Variants in SORCS1 observed in about 807,000 individuals in gnomAD.
SORCS1 encodes sortilin related VPS10 domain containing receptor 1.
Under a neutral mutation model 146.1 loss-of-function variants are expected in SORCS1, and 60 were observed. That is an observed-to-expected ratio of 0.41 (90% CI 0.33 to 0.51). SORCS1 has a LOEUF of 0.51. SORCS1 is among the 20% of genes least tolerant of loss of function. The pLI, the probability that SORCS1 is intolerant of heterozygous loss-of-function variation, is 0.21. For synonymous variants in SORCS1, 637 were observed against 584.0 expected (o/e 1.09, Z -1.31); for missense variants, 1,352 against 1,487.6 (o/e 0.91, Z 1.50).
chr10:107,106,282 G>A (rs972975724), intron 1 of SORCS1, among the ~76,000 whole-genome samples: 5 of 152,160 alleles, frequency 3.3e-5, no homozygotes, highest in African/African-American at 1.2e-4. Context: ...TAGTAATCAT[G>A]CGATAAGTTA....
chr10:106,851,903 G>A (rs1334297028), intron 2 of SORCS1, among the ~76,000 whole-genome samples: 1 of 152,118 alleles, frequency 6.6e-6, no homozygotes, highest in East Asian at 1.9e-4. Context: ...TCCTCATACA[G>A]ATCTTGTGTG....
At chr10:106,921,813 A>C (rs1257179948) in intron 2 of SORCS1, among the ~76,000 whole-genome samples, 1 of 152,184 alleles carries the variant, frequency 6.6e-6, no homozygotes, top group East Asian at 1.9e-4. Flanking sequence ...CCTATCCTCC[A>C]ACTATTACAA....
At chr10:107,033,235 T>G (rs1375351322) in intron 1 of SORCS1, among the ~76,000 whole-genome samples, 2 of 152,098 alleles carry the variant, frequency 1.3e-5, no homozygotes, top group Non-Finnish European at 2.9e-5. Context: ...TCGTGAGAAC[T>G]CACTCACCAT....
chr10:106,888,039 A>G (rs1229321111), intron 2 of SORCS1, among the ~76,000 whole-genome samples: 1 of 152,218 alleles, frequency 6.6e-6, no homozygotes, highest in Non-Finnish European at 1.5e-5. Context: ...CTTGCCAACT[A>G]TAAATGGCGA....
intron 24 of SORCS1, among the ~76,000 whole-genome samples, chr10:106,586,913 C>T (rs1845274520): frequency 6.6e-6 from 1 of 152,142 alleles, no homozygotes; most frequent in Non-Finnish European, 1.5e-5. Context: ...CTATGATGTG[C>T]CCCTGCCCTC....
intron 1 of SORCS1, among the ~76,000 whole-genome samples, chr10:107,065,434 T>TCTTTC (rs1470312776): frequency 6.7e-6 from 1 of 148,832 alleles, no homozygotes; most frequent in East Asian, 2.0e-4. Flanking sequence ...TTTCTTTCTT[T>TCTTTC]CTTTCTTTCT....
At position 106,706,541 on chromosome 10, in the gene SORCS1, A is replaced by T. The variant is rs758810152; in HGVS notation, c.1233+4T>A. On this transcript the variant is annotated splice_donor_region_variant and intron_variant, in intron 8 of 25. Transcript: ENST00000263054. ...TGAAATGAAGAAAGTGATTTAGGCC[A>T]TACCTTGGGCAAAGCATATTTCGGA... The T allele has an allele frequency of 1.2e-5, 19 of 1,613,910 alleles. No homozygotes were observed. Among genetic ancestry groups the T allele is most frequent in the Non-Finnish European group, 1.5e-5 (18 of 1,179,884 alleles).
intron 3 of SORCS1, among the ~76,000 whole-genome samples, chr10:106,795,568 A>G (rs1207543281): frequency 2.6e-5 from 4 of 152,336 alleles, no homozygotes; most frequent in Middle Eastern, 6.8e-3. Context: ...AAAGAGGGGT[A>G]AGAAGCTCTG....
chr10:106,956,071 G>A (rs903428065), intron 2 of SORCS1, among the ~76,000 whole-genome samples: 1 of 151,684 alleles, frequency 6.6e-6, no homozygotes, highest in African/African-American at 2.4e-5. Flanking sequence ...CAGAGGTTGC[G>A]CTGAGCCGAG....
chr10:107,047,310 T>TA (rs1564969436), intron 1 of SORCS1, among the ~76,000 whole-genome samples: 2 of 152,146 alleles, frequency 1.3e-5, no homozygotes, highest in African/African-American at 4.8e-5. Flanking sequence ...TTATTTTAGA[T>TA]AAAGTCCAGA....
chr10:106,618,381 T>A (rs993387638), intron 20 of SORCS1, 109 bp from the exon 21 acceptor site: 1 of 1,385,184 alleles, frequency 7.2e-7, no homozygotes, highest in African/African-American at 1.4e-5. Context: ...AGGCTCTTCC[T>A]GATGTACCAC....
chr10:107,166,474 A>T (rs950339899), upstream of SORCS1, among the ~76,000 whole-genome samples: 1 of 152,210 alleles, frequency 6.6e-6, no homozygotes, highest in Non-Finnish European at 1.5e-5. Context: ...GACCTAAAAG[A>T]GTGTCCTGTT....
intron 1 of SORCS1, among the ~76,000 whole-genome samples, chr10:107,061,067 C>A (rs1240829250): frequency 6.6e-6 from 1 of 151,974 alleles, no homozygotes; most frequent in African/African-American, 2.4e-5. Context: ...GTGATGTATT[C>A]CATCAAGAAA....
At chr10:106,633,657 ATAG>A (rs1204015915) in intron 18 of SORCS1, among the ~76,000 whole-genome samples, 2 of 144,854 alleles carry the variant, frequency 1.4e-5, no homozygotes, top group Non-Finnish European at 3.0e-5. Context: ...AGGATAGATG[ATAG>A]TAGATTAAAC....
intron 18 of SORCS1, among the ~76,000 whole-genome samples, chr10:106,647,216 CTT>C (rs1435998032): frequency 2.6e-5 from 4 of 151,754 alleles, no homozygotes; most frequent in African/African-American, 7.3e-5. Flanking sequence ...AAATTGATGT[CTT>C]TTTATAATAC....
At chr10:107,145,392 A>G (rs1167265420) in intron 1 of SORCS1, among the ~76,000 whole-genome samples, 2 of 152,140 alleles carry the variant, frequency 1.3e-5, no homozygotes, top group Non-Finnish European at 2.9e-5. Context: ...AGATTACAAA[A>G]ATGGTTTTGT....
intron 23 of SORCS1, among the ~76,000 whole-genome samples, chr10:106,602,058 C>T (rs1348609641): frequency 1.3e-5 from 2 of 152,090 alleles, no homozygotes; most frequent in African/African-American, 4.8e-5. Flanking sequence ...AGTAAAGTGG[C>T]AATTCTTGAA....
chr10:106,667,477 T>C (rs1851251919), intron 17 of SORCS1, among the ~76,000 whole-genome samples: 2 of 152,248 alleles, frequency 1.3e-5, no homozygotes, highest in Admixed American at 6.5e-5. Flanking sequence ...GAAACATTTC[T>C]CTTTTTTCAA....
chr10:106,940,118 AG>A (rs1268901619), intron 2 of SORCS1, among the ~76,000 whole-genome samples: 2 of 152,250 alleles, frequency 1.3e-5, no homozygotes, highest in Non-Finnish European at 2.9e-5. Context: ...ACAGACATTC[AG>A]CATAGCAGTG....
Sources: allele counts gnomAD v4.1 joint callset (sites outside exome capture counted in the v4.1 genomes callset), GRCh38; gene constraint gnomAD v4.1.1; transcripts MANE v1.5; gene names NCBI Gene and HGNC (gene_info 2026-07-23, HGNC 2026-07-21).